Variants in DOCK8 observed in about 807,000 individuals in gnomAD.
The protein encoded by DOCK8 is dedicator of cytokinesis protein 8.
In DOCK8, 141 loss-of-function variants were observed where a neutral mutation model predicts 245.6. The observed-to-expected ratio is 0.57, with a 90% CI of 0.50 to 0.66. DOCK8 has a LOEUF of 0.66. Among genes scored for constraint, DOCK8 ranks in the 30% least tolerant of loss-of-function variants. The pLI is 0.00. For synonymous variants in DOCK8, 1,168 were observed against 970.2 expected (o/e 1.20, Z -3.79); for missense variants, 2,965 against 2,603.4 (o/e 1.14, Z -3.02).
chr9:407,652 C>CT (rs1345335190), intron 28 of DOCK8, among the ~76,000 whole-genome samples: 6 of 152,218 alleles, frequency 3.9e-5, no homozygotes, highest in African/African-American at 1.2e-4. Context: ...CCACCCCCTT[C>CT]TTTCCTTCTC....
At chr9:415,045 T>G in intron 29 of DOCK8, 94 bp downstream of exon 29, 1 of 1,513,972 alleles carries the variant, frequency 6.6e-7, no homozygotes, top group Non-Finnish European at 9.1e-7. Context: ...CCAGTGCTGA[T>G]ATGTTCATAT....
At position 225,191 on chromosome 9, in the gene DOCK8, T is replaced by A. The variant is rs1327561081; in HGVS notation, c.53+10162T>A. Among the ~76,000 whole-genome samples, 3 of 152,134 alleles carry A rather than the reference T, an allele frequency of 2.0e-5. No homozygotes were observed. In the East Asian group the frequency reaches 5.8e-4, roughly 29 times the overall value. On this transcript the variant is annotated intron_variant, in intron 1 of 47. Transcript: ENST00000432829. Reference sequence around the variant, plus strand: ...GCTGGGGTGAGTGGGTGACTATAAATGCAAAAGTTAGAGAGCATGGGGAAC... The same window carrying A: ...GCTGGGGTGAGTGGGTGACTATAAAAGCAAAAGTTAGAGAGCATGGGGAAC...
chr9:433,778 A>G (rs1002464270), intron 37 of DOCK8, 97 bp from the exon 38 acceptor site: 33 of 1,028,400 alleles, frequency 3.2e-5, no homozygotes, highest in African/African-American at 3.0e-4. Context: ...CTCTGATCCA[A>G]CCCTTCCCAT....
At chr9:404,837 A>G (rs1435833463) in intron 26 of DOCK8, 81 bp from the exon 27 acceptor site, 5 of 1,471,104 alleles carry the variant, frequency 3.4e-6, no homozygotes, top group Non-Finnish European at 4.7e-6. Flanking sequence ...CTGGAGAGAA[A>G]GGATATTTTT....
intron 24 of DOCK8, among the ~76,000 whole-genome samples, chr9:390,810 C>T (rs2054158961): frequency 6.6e-6 from 1 of 152,218 alleles, no homozygotes; most frequent in African/African-American, 2.4e-5. Flanking sequence ...CACACACCAT[C>T]ATCTCTCATG....
intron 14 of DOCK8, among the ~76,000 whole-genome samples, chr9:362,590 C>A (rs180724803): frequency 2.0e-5 from 3 of 152,298 alleles, no homozygotes; most frequent in African/African-American, 7.2e-5. Context: ...CTGCTCCTCT[C>A]TCCTCTCAAA....
In DOCK8 at chr9:286,570, A is replaced by T. The variant is rs746283338; in HGVS notation, c.266A>T (p.Asp89Val). 2 of 1,613,894 alleles carry T rather than the reference A, an allele frequency of 1.2e-6. No individual in the cohort carries two copies. Among genetic ancestry groups the T allele is most frequent in the East Asian group, 4.5e-5 (2 of 44,870 alleles). The change falls in exon 3 of 48, where the codon GAC (aspartate) becomes GTC (valine). Residue 89 changes from aspartate (D) to valine (V), a missense_variant. By Grantham distance (152) the Asp-to-Val change is radical. This residue lies in a region of DOCK8 where 2,825 missense variants were observed against 2,453.5 expected (regional missense o/e 1.15). Coordinates refer to ENST00000432829, the MANE Select transcript of DOCK8 (RefSeq NM_203447.4). Reference sequence around the variant, plus strand: ...CAGGAGCTCGGGGACTTCACTGATGACGACTTGGACGTGGTGTTCACGCCA... The same window carrying T: ...CAGGAGCTCGGGGACTTCACTGATGTCGACTTGGACGTGGTGTTCACGCCA... Reference protein sequence around the residue: ...LAQELGDFTDDDLDVVFTPKE... With the variant: ...LAQELGDFTDVDLDVVFTPKE...
At chr9:365,515 T>C (rs1345469678) in intron 14 of DOCK8, 1 of 437,882 alleles carries the variant, frequency 2.3e-6, no homozygotes, top group Non-Finnish European at 4.5e-6. Flanking sequence ...GCTTCTATTA[T>C]AGTAATGATA....
At chr9:275,830 C>G (rs1054512005) in intron 2 of DOCK8, among the ~76,000 whole-genome samples, 1 of 151,288 alleles carries the variant, frequency 6.6e-6, no homozygotes, top group Non-Finnish European at 1.5e-5. Flanking sequence ...CTCAAGTGAT[C>G]CACCCACCTC....
intron 1 of DOCK8, among the ~76,000 whole-genome samples, chr9:256,181 C>G (rs62531333): frequency 0.045 from 6,775 of 152,230 alleles, 193 homozygotes; most frequent in South Asian, 0.068. Flanking sequence ...ATCACAAGAA[C>G]GAGGCTCTTT....
intron 43 of DOCK8, among the ~76,000 whole-genome samples, chr9:444,168 G>A (rs1055127836): frequency 3.3e-5 from 5 of 151,860 alleles, no homozygotes; most frequent in African/African-American, 1.2e-4. Context: ...AACACGTGGA[G>A]GTGGTATCAG....
At chr9:441,492 C>G in intron 41 of DOCK8, 75 bp downstream of exon 41, 1 of 1,603,740 alleles carries the variant, frequency 6.2e-7, no homozygotes, top group Non-Finnish European at 8.5e-7. Context: ...CTTAGCCATC[C>G]TTCCTCTCCA....
At chr9:233,310 C>A (rs911500581) in intron 1 of DOCK8, among the ~76,000 whole-genome samples, 13 of 152,232 alleles carry the variant, frequency 8.5e-5, no homozygotes, top group Admixed American at 6.5e-4. Context: ...GAGTGCTTTA[C>A]TGCCAACTAT....
intron 20 of DOCK8, among the ~76,000 whole-genome samples, chr9:379,298 A>G (rs1002637631): frequency 6.6e-6 from 1 of 152,196 alleles, no homozygotes; most frequent in Non-Finnish European, 1.5e-5. Context: ...TAATCTGTAC[A>G]AGAATCAGGG....
Position 422,143 on chromosome 9 carries a change from A to T in DOCK8, c.4241+8A>T, listed in dbSNP as rs746065181. ...TAATGAGAAGCTAGATAAGTGAGTCACTCGGCAACTTTCTGCTACTTTTAC... is the reference window on the plus strand; with the variant it reads ...TAATGAGAAGCTAGATAAGTGAGTCTCTCGGCAACTTTCTGCTACTTTTAC... On this transcript the variant is annotated splice_region_variant and intron_variant, in intron 33 of 47. Coordinates refer to ENST00000432829, the MANE Select transcript of DOCK8 (RefSeq NM_203447.4). 6.2e-7 allele frequency: 1 copy of T among 1,613,534 alleles called. No homozygotes were observed. The highest frequency in any genetic ancestry group is 1.3e-5 in the African/African-American group (1 of 75,036).
At chr9:357,264 G>A (rs904851352) in intron 14 of DOCK8, among the ~76,000 whole-genome samples, 1 of 152,312 alleles carries the variant, frequency 6.6e-6, no homozygotes, top group South Asian at 2.1e-4. Flanking sequence ...AAATATCATA[G>A]CAGCTATATT....
intron 14 of DOCK8, among the ~76,000 whole-genome samples, chr9:357,328 A>C (rs1349744633): frequency 6.6e-6 from 1 of 152,204 alleles, no homozygotes; most frequent in Non-Finnish European, 1.5e-5. Context: ...GTGCTGTATA[A>C]AATCACCATA....
At chr9:286,692 A>C in intron 3 of DOCK8, 56 bp downstream of exon 3, 1 of 1,558,122 alleles carries the variant, frequency 6.4e-7, no homozygotes. Context: ...TGTTTTCAAT[A>C]AGTGGGTAGG....
In DOCK8 at chr9:420,977, C is replaced by T; in HGVS notation, c.4052C>T (p.Thr1351Ile). Residue 1351 changes from threonine to isoleucine, a missense_variant, in exon 32 of 48, where the codon ACC (threonine) becomes ATC (isoleucine). Thr to Ile is a moderately conservative substitution (Grantham distance 89). Coordinates refer to ENST00000432829, the MANE Select transcript of DOCK8 (RefSeq NM_203447.4). ...AAACAGAGTTCTGACAAAGTCAGTA[C>T]CCAAGTCCTGCAGAAGTCAAGGGAT... is the stretch of plus-strand genomic sequence containing the variant. ...KGKQSSDKVS[T>I]QVLQKSRDVK... is the part of the protein sequence containing the mutation. 1 of 1,614,194 alleles carries T rather than the reference C, an allele frequency of 6.2e-7. No individual in the cohort carries two copies. Among genetic ancestry groups the T allele is most frequent in the Non-Finnish European group, 8.5e-7 (1 of 1,180,040 alleles).
Sources: allele counts gnomAD v4.1 joint callset (sites outside exome capture counted in the v4.1 genomes callset), GRCh38; gene constraint gnomAD v4.1.1; regional missense constraint gnomAD v4.1.1; transcripts MANE v1.5; gene names NCBI Gene and HGNC (gene_info 2026-07-23, HGNC 2026-07-21).